STRIP2: variants seen among roughly 807,000 people sequenced by gnomAD.
STRIP2 encodes the protein striatin-interacting protein 2.
STRIP2 carries 84 observed loss-of-function variants against 107.1 expected under a neutral mutation model. That is an observed-to-expected ratio of 0.78 (90% CI 0.66 to 0.94). STRIP2 has a LOEUF of 0.94. Among genes scored for constraint, STRIP2 ranks in the 40% least tolerant of loss-of-function variants. The pLI is 0.00. For synonymous variants in STRIP2, 394 were observed against 400.4 expected, an observed-to-expected ratio of 0.98 and a Z score of 0.19; for missense variants, 888 against 1,034.2, an observed-to-expected ratio of 0.86 and a Z score of 1.94.
intron 18 of STRIP2, among the ~76,000 whole-genome samples, chr7:129,471,013 C>T (rs2151011905): frequency 6.6e-6 from 1 of 152,306 alleles, no homozygotes. Context: ...AATATCTATG[C>T]TAAATGCAGG....
At chr7:129,479,948 A>G (rs1254816109) in intron 18 of STRIP2, among the ~76,000 whole-genome samples, 1 of 152,144 alleles carries the variant, frequency 6.6e-6, no homozygotes, top group African/African-American at 2.4e-5. Flanking sequence ...AGGAGGAGGT[A>G]ATTTTCCATT....
At position 129,459,432 on chromosome 7, in the gene STRIP2, G is replaced by A. The variant is rs139826254; in HGVS notation, c.1341-85G>A. ...GGTAGATGTTGTTGAAAGTAGCATGGTCTGTTGACTCTAGGGGGGTATTGG... is the reference window on the plus strand; with the variant it reads ...GGTAGATGTTGTTGAAAGTAGCATGATCTGTTGACTCTAGGGGGGTATTGG... On this transcript the variant is annotated intron_variant, in intron 11 of 20. Coordinates refer to ENST00000249344, the MANE Select transcript of STRIP2 (RefSeq NM_020704.3). 215 of 1,165,618 alleles carry A rather than the reference G, an allele frequency of 1.8e-4. No individual in the cohort carries two copies. In the African/African-American group the frequency reaches 2.8e-3, roughly 15 times the overall value. The allele number at this position is 1,165,618 out of a possible 1,614,324, so 72.2% of individuals were successfully genotyped here.
chr7:129,460,085 A>C (rs1252054988), intron 12 of STRIP2, among the ~76,000 whole-genome samples: 2 of 152,118 alleles, frequency 1.3e-5, no homozygotes, highest in African/African-American at 2.4e-5. Flanking sequence ...CAAATGTAGA[A>C]ACAGAATTTT....
intron 1 of STRIP2, among the ~76,000 whole-genome samples, chr7:129,437,490 G>A (rs1350679832): frequency 1.3e-5 from 2 of 151,960 alleles, no homozygotes; most frequent in Non-Finnish European, 2.9e-5. Context: ...ATCACATGCA[G>A]TAAAGGTAAA....
chr7:129,467,490 G>T, intron 17 of STRIP2, 40 bp downstream of exon 17: 1 of 1,492,802 alleles, frequency 6.7e-7, no homozygotes. Flanking sequence ...GGGCTATTTT[G>T]GGGTGGTTGA....
At chr7:129,434,654 A>AGCGGCGGCTGAGGTGATTCG (rs1797681167) in intron 1 of STRIP2, 53 bp downstream of exon 1, 11 of 1,429,360 alleles carry the variant, frequency 7.7e-6, no homozygotes, top group African/African-American at 4.5e-5. Context: ...GCCGGCGGGA[A>AGCGGCGGCTGAGGTGATTCG]GCGGCGGCTG....
chr7:129,454,358 A>ACCTCAGGGAT, intron 6 of STRIP2, 63 bp from the exon 7 acceptor site: 1 of 1,468,640 alleles, frequency 6.8e-7, no homozygotes, highest in Non-Finnish European at 9.5e-7. Flanking sequence ...ACCATCTCTG[A>ACCTCAGGGAT]GGTCTGTGAC....
rs1389028220 is a variant in STRIP2 at position 129,485,736 on chromosome 7, G to C, written c.2412G>C (p.Leu804=). 6.2e-7 allele frequency: 1 copy of C among 1,614,194 alleles called. No individual in the cohort carries two copies. The highest frequency in any genetic ancestry group is 8.5e-7 in the Non-Finnish European group (1 of 1,180,028). The change falls in exon 21 of 21, where the codon CTG becomes CTC. Residue 804 remains leucine (L), a synonymous_variant. Coordinates refer to ENST00000249344, the MANE Select transcript of STRIP2 (RefSeq NM_020704.3). ...LQSVLGQRLD[L]PEDFHYSYEL... The stretch of plus-strand genomic sequence containing the variant: ...GCGTACTGGGGCAGAGGTTGGATCT[G>C]CCTGAAGATTTCCACTATTCATATG...
intron 18 of STRIP2, among the ~76,000 whole-genome samples, chr7:129,473,701 T>A (rs1309486595): frequency 3.3e-5 from 5 of 151,882 alleles, no homozygotes; most frequent in Non-Finnish European, 7.4e-5. Flanking sequence ...TTAAATTTTT[T>A]ATTTATTTTT....
At chr7:129,481,264 C>T (rs1328454696) in intron 19 of STRIP2, among the ~76,000 whole-genome samples, 9 of 149,178 alleles carry the variant, frequency 6.0e-5, no homozygotes, top group South Asian at 2.2e-4. Context: ...TTTGGGAAGC[C>T]GAGGCGGGCA....
chr7:129,470,735 G>C lies in STRIP2; in HGVS notation c.1944+20G>C. ...AGTCTGGTAAGCAGATGGGGATTTGGTAGCCTTTGAAATTGCTAGGTAGCA... is the reference window on the plus strand; with the variant it reads ...AGTCTGGTAAGCAGATGGGGATTTGCTAGCCTTTGAAATTGCTAGGTAGCA... On this transcript the variant is annotated intron_variant, in intron 18 of 20. Transcript: ENST00000249344. 6.2e-7 allele frequency: 1 copy of C among 1,610,976 alleles called. No individual in the cohort carries two copies. The highest frequency in any genetic ancestry group is 8.5e-7 in the Non-Finnish European group (1 of 1,177,196).
At chr7:129,441,223 G>T (rs1797890267) in intron 2 of STRIP2, among the ~76,000 whole-genome samples, 1 of 152,012 alleles carries the variant, frequency 6.6e-6, no homozygotes, top group Non-Finnish European at 1.5e-5. Context: ...AAAAGCCTGG[G>T]GTTGGTGAGG....
In STRIP2 at chr7:129,485,675, ACT is replaced by A; in HGVS notation, c.2354_2355del (p.Ser785Ter). 1 of 1,613,986 alleles carries A rather than the reference ACT, an allele frequency of 6.2e-7. No individual in the cohort carries two copies. Among genetic ancestry groups the A allele is most frequent in the Non-Finnish European group, 8.5e-7 (1 of 1,180,012 alleles). On this transcript the variant is annotated frameshift_variant, in exon 21 of 21. Coordinates refer to ENST00000249344, the MANE Select transcript of STRIP2 (RefSeq NM_020704.3). LOFTEE classifies it high-confidence loss of function. ...AGCCGTCGCTATGACAGACCCCAGGACTCTGAGTTTTCACCTGTGGATAACTG... is the reference window on the plus strand; with the variant it reads ...AGCCGTCGCTATGACAGACCCCAGGACTGAGTTTTCACCTGTGGATAACTG...
In STRIP2 at chr7:129,463,140, C is replaced by T. The variant is rs1001591962; in HGVS notation, c.1551+100C>T. The T allele has an allele frequency of 4.1e-5, 41 of 1,006,176 alleles. No individual in the cohort carries two copies. In the African/African-American group the frequency reaches 5.6e-4, roughly 14 times the overall value. 62.3% of individuals were successfully genotyped at this position (1,006,176 alleles called of 1,614,324 possible). On this transcript the variant is annotated intron_variant, in intron 14 of 20. Coordinates refer to ENST00000249344, the MANE Select transcript of STRIP2 (RefSeq NM_020704.3). ...CCTGTCCAACACTTGAGCTTGTTTC[C>T]TGAGCCTTTGCCCCTTTGGCAAGGC... is the stretch of plus-strand genomic sequence containing the variant.
At position 129,459,557 on chromosome 7, in the gene STRIP2, G is replaced by C; in HGVS notation, c.1381G>C (p.Glu461Gln). ...GGTTGGATTACCCAGGCCCATCCAT[G>C]AGAGTGTGAAGACCCTAAAGCAGGT... is the stretch of plus-strand genomic sequence containing the variant. ...TLVGLPRPIHESVKTLKQHKY... is the reference protein window; with the variant it reads ...TLVGLPRPIHQSVKTLKQHKY... Residue 461 changes from glutamate to glutamine, a missense_variant, in exon 12 of 21, where the codon GAG becomes CAG. By Grantham distance (29) the Glu-to-Gln change is conservative (BLOSUM62 2). Transcript: ENST00000249344. 1.2e-6 allele frequency: 2 copies of C among 1,614,076 alleles called. No homozygotes were observed. The highest frequency in any genetic ancestry group is 1.7e-6 in the Non-Finnish European group (2 of 1,179,994).
intron 5 of STRIP2, 35 bp from the exon 6 acceptor site, chr7:129,454,107 T>TA (rs1488664404): frequency 6.3e-7 from 1 of 1,593,180 alleles, no homozygotes; most frequent in East Asian, 2.2e-5. Flanking sequence ...AAAGAAGTCT[T>TA]ATGCATTCCT....
chr7:129,448,629 G>A lies in STRIP2; in HGVS notation c.275-2984G>A, dbSNP rs533063642. On this transcript the variant is annotated intron_variant, in intron 3 of 20. Coordinates refer to ENST00000249344, the MANE Select transcript of STRIP2 (RefSeq NM_020704.3). ...TATCAGTTTCACTTCTAGAAACACT[G>A]TGATTAATTAGCCAATGCCACAGCT... 2.3e-4 allele frequency among the ~76,000 whole-genome samples: 35 copies of A among 152,276 alleles called. No individual in the cohort carries two copies. The South Asian group carries it at 7.0e-3, about 31-fold the overall frequency.
chr7:129,480,093 A>G (rs1465938686), intron 18 of STRIP2, among the ~76,000 whole-genome samples: 2 of 152,174 alleles, frequency 1.3e-5, no homozygotes, highest in African/African-American at 4.8e-5. Flanking sequence ...TGACACCAGT[A>G]TGTATTTGCA....
At chr7:129,452,377 G>T (rs909221699) in intron 4 of STRIP2, among the ~76,000 whole-genome samples, 1 of 152,008 alleles carries the variant, frequency 6.6e-6, no homozygotes, top group African/African-American at 2.4e-5. Context: ...GAACCAACCA[G>T]TTGGGAGCTA....
Sources: allele counts gnomAD v4.1 joint callset (sites outside exome capture counted in the v4.1 genomes callset), GRCh38; gene constraint gnomAD v4.1.1; transcripts MANE v1.5; gene names NCBI Gene and HGNC (gene_info 2026-07-23, HGNC 2026-07-21).